Variants in ABCB1 observed in about 807,000 individuals in gnomAD.
ABCB1 encodes the protein ATP-dependent translocase ABCB1.
ABCB1 carries 69 observed loss-of-function variants against 142.0 expected under a neutral mutation model. That is an observed-to-expected ratio of 0.49 (90% CI 0.40 to 0.59). The LOEUF (loss-of-function observed/expected upper bound fraction) is 0.59. ABCB1 is among the 20% of genes least tolerant of loss of function. ABCB1 has a pLI of 0.00. For missense variants in ABCB1, 1,326 were observed against 1,554.7 expected (o/e 0.85, Z 2.47); for synonymous variants, 532 against 539.2 (o/e 0.99, Z 0.18).
At chr7:87,554,074 T>C (rs1447008510) in intron 8 of ABCB1, 142 bp from the exon 9 acceptor site, 4 of 737,304 alleles carry the variant, frequency 5.4e-6, no homozygotes, top group African/African-American at 3.5e-5. Flanking sequence ...TGACCCTATA[T>C]AGTAGTACTG....
intron 1 of ABCB1, among the ~76,000 whole-genome samples, chr7:87,625,936 G>C (rs1288457089): frequency 6.7e-6 from 1 of 149,526 alleles, no homozygotes; most frequent in Non-Finnish European, 1.5e-5. Context: ...CATTAGTTAA[G>C]ACTGACACTA....
At chr7:87,604,324 C>T (rs1467048229), upstream of ABCB1, among the ~76,000 whole-genome samples, 1 of 152,102 alleles carries the variant, frequency 6.6e-6, no homozygotes, top group Non-Finnish European at 1.5e-5. Flanking sequence ...GAATGCAACT[C>T]ACCTCAATGA....
At chr7:87,613,172 A>G (rs984590085) in intron 1 of ABCB1, among the ~76,000 whole-genome samples, 4 of 147,494 alleles carry the variant, frequency 2.7e-5, no homozygotes, top group Non-Finnish European at 4.5e-5. Flanking sequence ...ATTTTGGAGG[A>G]GGCTTTAGGG....
At chr7:87,707,175 G>A (rs904322336) in intron 1 of ABCB1, among the ~76,000 whole-genome samples, 2 of 152,082 alleles carry the variant, frequency 1.3e-5, no homozygotes. Flanking sequence ...CATACAGAAT[G>A]TCTAGTATAC....
chr7:87,535,896 T>A (rs1194373137), intron 20 of ABCB1, among the ~76,000 whole-genome samples: 1 of 152,196 alleles, frequency 6.6e-6, no homozygotes, highest in Non-Finnish European at 1.5e-5. Flanking sequence ...CAGCCAAAAA[T>A]CAAAACCTGC....
chr7:87,509,567 C>A lies in ABCB1; in HGVS notation c.3283-86G>T, dbSNP rs1167410819. The A allele has an allele frequency of 2.1e-6, 3 of 1,407,514 alleles. No homozygotes were observed. The African/African-American group carries it at 4.2e-5, about 20-fold the overall frequency. The allele number at this position is 1,407,514 out of a possible 1,614,324, so 87.2% of individuals were successfully genotyped here. ...AACATCATTATTTCTTACACTGAAA[C>A]TGCCAAGTTACTGTGAGATTAAGGA... is the stretch of plus-strand genomic sequence containing the variant. On this transcript the variant is annotated intron_variant, in intron 25 of 27. Coordinates refer to ENST00000622132, the MANE Select transcript of ABCB1 (RefSeq NM_001348946.2).
At chr7:87,602,967 C>A (rs1819514963), upstream of ABCB1, 1 of 152,176 alleles carries the variant, frequency 6.6e-6, no homozygotes, top group African/African-American at 2.4e-5. Flanking sequence ...TACCTGGTCC[C>A]CTTGCAAGTT....
chr7:87,662,769 G>A (rs1241081785), intron 1 of ABCB1, among the ~76,000 whole-genome samples: 1 of 151,904 alleles, frequency 6.6e-6, no homozygotes, highest in African/African-American at 2.4e-5. Context: ...TTTAGGATTG[G>A]TTTTTCTATT....
intron 25 of ABCB1, among the ~76,000 whole-genome samples, chr7:87,510,756 C>G (rs998712933): frequency 1.3e-5 from 2 of 152,044 alleles, no homozygotes; most frequent in Admixed American, 1.3e-4. Flanking sequence ...GGAAGCTCTC[C>G]CATAACCTTA....
intron 19 of ABCB1, 91 bp from the exon 20 acceptor site, chr7:87,536,632 C>T: frequency 1.9e-6 from 2 of 1,052,346 alleles, no homozygotes; most frequent in South Asian, 1.3e-5. Flanking sequence ...TTTGTTTATA[C>T]TTATACCCCC....
intron 1 of ABCB1, among the ~76,000 whole-genome samples, chr7:87,670,327 T>C (rs541264366): frequency 1.3e-5 from 2 of 152,362 alleles, no homozygotes; most frequent in South Asian, 2.1e-4. Flanking sequence ...GTCAGACCCA[T>C]TGGGTTCTGT....
chr7:87,585,695 A>T lies in ABCB1; in HGVS notation c.118-15T>A, dbSNP rs758242671. 1.2e-6 allele frequency: 2 copies of T among 1,612,634 alleles called. No homozygotes were observed. The highest frequency in any genetic ancestry group is 1.7e-6 in the Non-Finnish European group (2 of 1,179,646). On this transcript the variant is annotated splice_polypyrimidine_tract_variant and intron_variant, in intron 3 of 27. Coordinates refer to ENST00000622132, the MANE Select transcript of ABCB1 (RefSeq NM_001348946.2). Reference sequence around the variant, plus strand: ...GAATAGCGAAACTAAAAAGAGAGAAAAAAGAATAGCAGAGGAAAAATTAGT... The same window carrying T: ...GAATAGCGAAACTAAAAAGAGAGAATAAAGAATAGCAGAGGAAAAATTAGT...
intron 1 of ABCB1, chr7:87,629,425 A>G (rs894146031): frequency 6.5e-6 from 1 of 152,694 alleles, no homozygotes; most frequent in Non-Finnish European, 1.5e-5. Flanking sequence ...TGCCTACTAC[A>G]TGCCAGCCAT....
At chr7:87,614,972 A>T (rs1448793542) in intron 1 of ABCB1, among the ~76,000 whole-genome samples, 1 of 151,872 alleles carries the variant, frequency 6.6e-6, no homozygotes, top group Non-Finnish European at 1.5e-5. Flanking sequence ...CAGCCTCCCG[A>T]GTAGCTGGAC....
intron 1 of ABCB1, among the ~76,000 whole-genome samples, chr7:87,698,269 T>A (rs1828679315): frequency 6.6e-6 from 1 of 152,034 alleles, no homozygotes; most frequent in South Asian, 2.1e-4. Context: ...CCGGCTAATT[T>A]CTTTGCACTT....
At chr7:87,569,675 T>C (rs1817953418) in intron 5 of ABCB1, among the ~76,000 whole-genome samples, 1 of 152,158 alleles carries the variant, frequency 6.6e-6, no homozygotes, top group South Asian at 2.1e-4. Context: ...ATAATTATTC[T>C]GTCTCTCTCT....
Position 87,505,998 on chromosome 7 carries a change from C to T in ABCB1, c.3535G>A (p.Gly1179Ser). 6.2e-7 allele frequency: 1 copy of T among 1,614,092 alleles called. No individual in the cohort carries two copies. Among genetic ancestry groups the T allele is most frequent in the Non-Finnish European group, 8.5e-7 (1 of 1,179,982 alleles). Residue 1179 changes from glycine (G) to serine (S), a missense_variant, in exon 27 of 28, where the codon GGC becomes AGC. By Grantham distance (56) the Gly-to-Ser change is moderately conservative. Transcript: ENST00000622132. ...VGDKGTQLSGGQKQRIAIARA... is the reference protein window; with the variant it reads ...VGDKGTQLSGSQKQRIAIARA... ...GCTATGGCAATGCGTTGTTTCTGGC[C>T]ACCAGAGAGCTGAGTTCCTTTGTCT...
intron 27 of ABCB1, among the ~76,000 whole-genome samples, 184 bp downstream of exon 27, chr7:87,505,713 A>G (rs996068900): frequency 6.6e-6 from 1 of 152,154 alleles, no homozygotes; most frequent in African/African-American, 2.4e-5. Context: ...GTGCTCTAAG[A>G]CTAATCTGCC....
chr7:87,654,752 A>G (rs757095083), intron 1 of ABCB1, among the ~76,000 whole-genome samples: 1 of 152,112 alleles, frequency 6.6e-6, no homozygotes, highest in African/African-American at 2.4e-5. Flanking sequence ...AAATTACATC[A>G]TCAGAGTAAA....
Sources: gnomAD v4.1 joint callset for allele counts (sites outside exome capture counted in the v4.1 genomes callset) on GRCh38, gnomAD v4.1.1 for gene constraint, MANE v1.5 for transcripts, NCBI Gene and HGNC (gene_info 2026-07-23, HGNC 2026-07-21) for gene names.